Variants in CDH12 observed in about 807,000 individuals in gnomAD.
CDH12 encodes cadherin 12, also known as cadherin-12.
Under a neutral mutation model 74.1 loss-of-function variants are expected in CDH12, and 41 were observed. The observed-to-expected ratio is 0.55, with a 90% CI of 0.43 to 0.72. The LOEUF is 0.72. Among genes scored for constraint, CDH12 ranks in the 30% least tolerant of loss-of-function variants. The pLI, the probability that CDH12 is intolerant of heterozygous loss-of-function variation, is 0.00. For missense variants in CDH12, 945 were observed against 977.2 expected (o/e 0.97, Z 0.44); for synonymous variants, 399 against 355.0 (o/e 1.12, Z -1.39).
At chr5:22,153,895 T>TAC (rs1747809965) in intron 4 of CDH12, among the ~76,000 whole-genome samples, 1 of 56,232 alleles carries the variant, frequency 1.8e-5, no homozygotes, top group Admixed American at 3.1e-4. Context: ...TATAAATATA[T>TAC]ATATATATAC....
rs1473975011 is a variant in CDH12 at position 22,125,780 on chromosome 5, A to G, written c.-186-46918T>C. 2.0e-5 allele frequency among the ~76,000 whole-genome samples: 3 copies of G among 152,164 alleles called. No homozygotes were observed. In the East Asian group the frequency reaches 5.8e-4, roughly 29 times the overall value. On this transcript the variant is annotated intron_variant, in intron 4 of 14. Transcript: ENST00000382254. Reference sequence around the variant, plus strand: ...CCCTGTCTCCACCCTCAGTTTAAGAACACCATTGAGGTTTTTGAGATGTTC... The same window carrying G: ...CCCTGTCTCCACCCTCAGTTTAAGAGCACCATTGAGGTTTTTGAGATGTTC...
Position 22,404,632 on chromosome 5 carries a change from C to T in CDH12, c.-333+625G>A, listed in dbSNP as rs73058183. On this transcript the variant is annotated intron_variant, in intron 3 of 14. Transcript: ENST00000382254. ...TGAATCTCATGCATCAAGGTAATGA[C>T]TAGACCTTTAACATGATATATTGTA... Among the ~76,000 whole-genome samples the T allele has an allele frequency of 9.8e-3, 1,492 of 152,212 alleles. 27 individuals carry two copies. The highest frequency in any genetic ancestry group is 0.033 in the African/African-American group (1,358 of 41,516).
intron 3 of CDH12, among the ~76,000 whole-genome samples, chr5:22,383,499 A>G (rs1213569181): frequency 1.3e-5 from 2 of 152,178 alleles, no homozygotes; most frequent in Non-Finnish European, 2.9e-5. Context: ...GCAAGACAGC[A>G]TGTGTGGGTT....
chr5:22,502,421 C>G lies in CDH12; in HGVS notation c.-428+2849G>C, dbSNP rs569090943. ...AAACCTCTTTTTCTTTATAAACTAC[C>G]CAGTCTCAGGTACGTCTTTATTAGC... On this transcript the variant is annotated intron_variant, in intron 2 of 14. Coordinates refer to ENST00000382254, the MANE Select transcript of CDH12 (RefSeq NM_004061.5). Among the ~76,000 whole-genome samples the G allele has an allele frequency of 2.0e-5, 3 of 152,134 alleles. No individual in the cohort carries two copies. In the South Asian group the frequency reaches 6.2e-4, roughly 32 times the overall value.
chr5:22,029,407 A>C (rs1658155571), intron 5 of CDH12, among the ~76,000 whole-genome samples: 1 of 152,104 alleles, frequency 6.6e-6, no homozygotes, highest in South Asian at 2.1e-4. Flanking sequence ...AACTCAAACA[A>C]ATTTACAAGA....
intron 10 of CDH12, among the ~76,000 whole-genome samples, chr5:21,785,856 G>A (rs574218229): frequency 2.0e-5 from 3 of 152,270 alleles, no homozygotes; most frequent in Admixed American, 1.3e-4. Flanking sequence ...ATTGATGAAG[G>A]TGGCTACACT....
At chr5:22,156,990 C>T (rs550602923) in intron 4 of CDH12, among the ~76,000 whole-genome samples, 2 of 152,078 alleles carry the variant, frequency 1.3e-5, no homozygotes, top group Non-Finnish European at 1.5e-5. Context: ...AGTCTCTATG[C>T]TATCTGAACT....
At chr5:22,674,107 A>G (rs1741042318) in intron 1 of CDH12, among the ~76,000 whole-genome samples, 1 of 152,192 alleles carries the variant, frequency 6.6e-6, no homozygotes, top group South Asian at 2.1e-4. Context: ...TTATCTGTAG[A>G]CTAGTAAAAG....
intron 1 of CDH12, among the ~76,000 whole-genome samples, chr5:22,768,524 G>A (rs991060958): frequency 1.3e-5 from 2 of 152,018 alleles, no homozygotes; most frequent in South Asian, 4.1e-4. Context: ...TAGCACAGTT[G>A]TAGAGTAAGT....
At chr5:22,048,214 A>G (rs1740101022) in intron 5 of CDH12, among the ~76,000 whole-genome samples, 1 of 152,208 alleles carries the variant, frequency 6.6e-6, no homozygotes, top group Admixed American at 6.5e-5. Context: ...AACTAACTCT[A>G]TCTATTGCTT....
chr5:22,765,023 C>A (rs1017591155), intron 1 of CDH12, among the ~76,000 whole-genome samples: 14 of 151,814 alleles, frequency 9.2e-5, no homozygotes, highest in Admixed American at 4.6e-4. Context: ...AAAGAAAGAA[C>A]CATTAATAAA....
intron 3 of CDH12, among the ~76,000 whole-genome samples, chr5:22,267,304 GTTCCAGA>G (rs1204775248): frequency 6.6e-6 from 1 of 152,156 alleles, no homozygotes; most frequent in Non-Finnish European, 1.5e-5. Flanking sequence ...ATTCCTCAGA[GTTCCAGA>G]TTCTATATTG....
chr5:21,942,303 A>G lies in CDH12; in HGVS notation c.526+32788T>C, dbSNP rs182561981. Among the ~76,000 whole-genome samples, 832 of 148,542 alleles carry G rather than the reference A, an allele frequency of 5.6e-3. 9 individuals carry two copies. The highest frequency in any genetic ancestry group is 0.019 in the African/African-American group (758 of 39,450). ...TGTTTTAATCCACTAAGTTGGTAGT[A>G]ATGTGCTCCAGCCACTATGAGACAA... is the stretch of plus-strand genomic sequence containing the variant. On this transcript the variant is annotated intron_variant, in intron 6 of 14. Transcript: ENST00000382254.
At chr5:21,802,553 C>T (rs6897177) in intron 9 of CDH12, 133 bp from the exon 10 acceptor site, 475,749 of 675,010 alleles carry the variant, frequency 0.7, 171,897 homozygotes, top group Non-Finnish European at 0.76. Context: ...TTCTTAATAA[C>T]TAGTGGGTAA....
chr5:22,425,099 GAGA>G (rs200610866), intron 2 of CDH12, among the ~76,000 whole-genome samples: 4,446 of 139,882 alleles, frequency 0.032, 228 homozygotes, highest in African/African-American at 0.12. Flanking sequence ...GAGAGAGAGA[GAGA>G]ATTTTTACAT....
intron 3 of CDH12, among the ~76,000 whole-genome samples, chr5:22,376,987 AGTTTATAAATT>A (rs1173874198): frequency 6.6e-6 from 1 of 152,186 alleles, no homozygotes; most frequent in Non-Finnish European, 1.5e-5. Flanking sequence ...ACAGGGTATT[AGTTTATAAATT>A]ACCACCAGAG....
chr5:22,147,448 G>T (rs1441475753), intron 4 of CDH12, among the ~76,000 whole-genome samples: 1 of 152,032 alleles, frequency 6.6e-6, no homozygotes, highest in Non-Finnish European at 1.5e-5. Flanking sequence ...CACTGGATTT[G>T]CCCTATCAAG....
At chr5:22,768,425 A>G (rs1746633309) in intron 1 of CDH12, among the ~76,000 whole-genome samples, 1 of 152,122 alleles carries the variant, frequency 6.6e-6, no homozygotes. Context: ...CACAATTTTG[A>G]AAGAATTGAA....
intron 5 of CDH12, among the ~76,000 whole-genome samples, chr5:22,073,630 A>G (rs1742103904): frequency 6.6e-6 from 1 of 152,164 alleles, no homozygotes; most frequent in African/African-American, 2.4e-5. Context: ...TTAAATTCAC[A>G]GTGTGTATGT....
Sources: allele counts gnomAD v4.1 joint callset (sites outside exome capture counted in the v4.1 genomes callset), GRCh38; gene constraint gnomAD v4.1.1; transcripts MANE v1.5; gene names NCBI Gene and HGNC (gene_info 2026-07-23, HGNC 2026-07-21).